ACOXL: variants seen among roughly 807,000 people sequenced by gnomAD.
ACOXL encodes the protein acyl-coenzyme A oxidase-like protein.
ACOXL carries 70 observed loss-of-function variants against 71.9 expected under a neutral mutation model. The observed-to-expected ratio is 0.97, with a 90% CI of 0.80 to 1.19. ACOXL has a LOEUF of 1.19. Ranked by LOEUF, ACOXL falls within the 50% of genes most tolerant of loss-of-function variation. ACOXL has a pLI of 0.00. For missense variants in ACOXL, 703 were observed against 736.3 expected, an observed-to-expected ratio of 0.95 and a Z score of 0.52; for synonymous variants, 253 against 281.6, an observed-to-expected ratio of 0.90 and a Z score of 1.02.
At chr2:110,976,707 C>T (rs1167436152) in intron 12 of ACOXL, among the ~76,000 whole-genome samples, 4 of 152,212 alleles carry the variant, frequency 2.6e-5, no homozygotes, top group East Asian at 1.9e-4. Flanking sequence ...AACAGGAAGT[C>T]AGAGGGGTCA....
At chr2:110,946,752 G>C (rs549834407) in intron 12 of ACOXL, among the ~76,000 whole-genome samples, 1 of 152,146 alleles carries the variant, frequency 6.6e-6, no homozygotes, top group Admixed American at 6.5e-5. Flanking sequence ...GAGCTGCCCC[G>C]TGGTTAGTGT....
intron 10 of ACOXL, among the ~76,000 whole-genome samples, chr2:110,884,916 TA>T (rs1697098973): frequency 6.6e-6 from 1 of 152,084 alleles, no homozygotes; most frequent in South Asian, 2.1e-4. Flanking sequence ...AACTTCAGTT[TA>T]AAAATGTCTC....
At chr2:110,991,984 G>T (rs1276673341) in intron 13 of ACOXL, among the ~76,000 whole-genome samples, 1 of 152,184 alleles carries the variant, frequency 6.6e-6, no homozygotes, top group Non-Finnish European at 1.5e-5. Context: ...TTCCATCCTT[G>T]CAGGAAACTT....
rs1308988993 is a variant in ACOXL, at chr2:110,841,386, G to T, written c.769G>T (p.Ala257Ser). ...MGAMKLGLTIAIRYSHSRRQF... is the reference protein window; with the variant it reads ...MGAMKLGLTISIRYSHSRRQF... ...TTAATTACAGCTTGGGTTGACGATA[G>T]CCATTCGCTATAGCCACAGGTAAAT... The change falls in exon 10 of 18, where the codon GCC (alanine) becomes TCC (serine). Residue 257 changes from alanine (A) to serine (S), a missense_variant. By Grantham distance (99) the Ala-to-Ser change is moderately conservative. Transcript: ENST00000439055. The T allele has an allele frequency of 6.2e-7, 1 of 1,609,830 alleles. No homozygotes were observed. Among genetic ancestry groups the T allele is most frequent in the Non-Finnish European group, 8.5e-7 (1 of 1,177,192 alleles).
rs568220939 is a variant in ACOXL, at chr2:110,891,593, A to G, written c.789-17196A>G. ...ATAAGTGGATTGTGGCTCAAATACT[A>G]CAGACTCTCATTGTTTTTACTGAAA... is the stretch of plus-strand genomic sequence containing the variant. On this transcript the variant is annotated intron_variant, in intron 10 of 17. Transcript: ENST00000439055. Among the ~76,000 whole-genome samples, 4 of 152,060 alleles carry G rather than the reference A, an allele frequency of 2.6e-5. No individual in the cohort carries two copies. In the South Asian group the frequency reaches 8.3e-4, roughly 32 times the overall value.
intron 10 of ACOXL, among the ~76,000 whole-genome samples, chr2:110,900,987 C>T (rs1456085717): frequency 6.6e-6 from 1 of 152,208 alleles, no homozygotes; most frequent in African/African-American, 2.4e-5. Context: ...GGGGTCATCC[C>T]TCAGCTTGTG....
intron 14 of ACOXL, among the ~76,000 whole-genome samples, chr2:111,004,542 G>C (rs1189976404): frequency 6.6e-6 from 1 of 152,136 alleles, no homozygotes. Flanking sequence ...GGTGGCCATG[G>C]AAGGAGTCCA....
chr2:110,840,311 T>A (rs1272924810), intron 9 of ACOXL, among the ~76,000 whole-genome samples: 1 of 152,182 alleles, frequency 6.6e-6, no homozygotes, highest in Non-Finnish European at 1.5e-5. Flanking sequence ...TTCCCAGAAC[T>A]CATTGAAAAA....
rs149961196 is a variant in ACOXL, at chr2:110,805,355, C to A, written c.713C>A (p.Ser238Ter). The change falls in exon 9 of 18, where the codon TCG (serine) becomes TAG (stop). Residue 238 changes from serine (S) to a stop codon, truncating the protein, a stop_gained. Transcript: ENST00000439055. LOFTEE classifies it high-confidence loss of function. ...FNAMLAALTP[S>*]RLAVAFQAMG... ...GCCATGCTGGCAGCACTGACCCCTTCGAGATTAGCTGTGGCTTTCCAAGCT... is the reference window on the plus strand; with the variant it reads ...GCCATGCTGGCAGCACTGACCCCTTAGAGATTAGCTGTGGCTTTCCAAGCT... The A allele has an allele frequency of 6.2e-7, 1 of 1,614,228 alleles. No homozygotes were observed.
intron 11 of ACOXL, among the ~76,000 whole-genome samples, chr2:110,931,163 A>G (rs761891781): frequency 8.5e-5 from 13 of 152,208 alleles, no homozygotes; most frequent in Non-Finnish European, 1.6e-4. Context: ...TGTACTCTAA[A>G]ACACACTGAA....
chr2:111,055,255 G>A (rs1192380260), intron 16 of ACOXL, among the ~76,000 whole-genome samples: 1 of 152,196 alleles, frequency 6.6e-6, no homozygotes, highest in Non-Finnish European at 1.5e-5. Context: ...TGTCTAAGCA[G>A]GGCATTTGCA....
chr2:111,032,937 C>G (rs1011322268), intron 15 of ACOXL, among the ~76,000 whole-genome samples: 1 of 152,206 alleles, frequency 6.6e-6, no homozygotes, highest in South Asian at 2.1e-4. Context: ...TCAGACTGAG[C>G]CCAGCTTCTT....
At chr2:111,045,023 TAACTC>T (rs1011566745) in intron 15 of ACOXL, among the ~76,000 whole-genome samples, 2 of 152,182 alleles carry the variant, frequency 1.3e-5, no homozygotes, top group African/African-American at 4.8e-5. Flanking sequence ...AAGGAGAACT[TAACTC>T]TACTCAGACA....
intron 2 of ACOXL, among the ~76,000 whole-genome samples, chr2:110,773,720 A>G (rs553287922): frequency 1.3e-5 from 2 of 152,238 alleles, no homozygotes; most frequent in Admixed American, 6.5e-5. Context: ...AGTCCTATAT[A>G]CTGTCTTTGG....
chr2:110,745,693 C>T (rs1458699053), intron 1 of ACOXL, among the ~76,000 whole-genome samples: 2 of 152,198 alleles, frequency 1.3e-5, no homozygotes, highest in Non-Finnish European at 2.9e-5. Flanking sequence ...TCTGGGTAGA[C>T]GCTTGCCGAC....
At chr2:110,896,856 A>C (rs1234951461) in intron 10 of ACOXL, among the ~76,000 whole-genome samples, 1 of 152,190 alleles carries the variant, frequency 6.6e-6, no homozygotes, top group East Asian at 1.9e-4. Flanking sequence ...AGAAAAACTC[A>C]ACAATACTAT....
chr2:111,104,418 T>G (rs1042081879), intron 17 of ACOXL, among the ~76,000 whole-genome samples: 1 of 152,226 alleles, frequency 6.6e-6, no homozygotes, highest in Non-Finnish European at 1.5e-5. Flanking sequence ...TACCAAACTT[T>G]TTTTTAGAGT....
intron 13 of ACOXL, among the ~76,000 whole-genome samples, chr2:110,990,284 GT>G (rs1423530760): frequency 4.6e-5 from 7 of 151,856 alleles, no homozygotes; most frequent in African/African-American, 1.7e-4. Flanking sequence ...TTTATTACTG[GT>G]TACTTTATAA....
intron 14 of ACOXL, among the ~76,000 whole-genome samples, chr2:111,022,577 A>AC (rs1404232994): frequency 2.0e-5 from 3 of 151,920 alleles, no homozygotes; most frequent in Non-Finnish European, 4.4e-5. Context: ...CTGTCAGGAT[A>AC]CCCCCAAGGC....
Sources: allele counts gnomAD v4.1 joint callset (sites outside exome capture counted in the v4.1 genomes callset), GRCh38; gene constraint gnomAD v4.1.1; transcripts MANE v1.5; gene names NCBI Gene and HGNC (gene_info 2026-07-23, HGNC 2026-07-21).